The following SKAP1 variants were observed in gnomAD, a reference collection of about 807,000 sequenced individuals.
SKAP1 encodes src kinase associated phosphoprotein 1.
SKAP1 carries 44 observed loss-of-function variants against 58.5 expected under a neutral mutation model. That is an observed-to-expected ratio of 0.75 (90% CI 0.59 to 0.97). The LOEUF is 0.97. Among genes scored for constraint, SKAP1 ranks in the 50% least tolerant of loss-of-function variants. The pLI, the probability that SKAP1 is intolerant of heterozygous loss-of-function variation, is 0.00. For synonymous variants in SKAP1, 127 were observed against 149.7 expected (o/e 0.85, Z 1.11); for missense variants, 390 against 435.2 (o/e 0.90, Z 0.92).
chr17:48,282,204 T>C (rs2065775594), intron 4 of SKAP1, among the ~76,000 whole-genome samples: 1 of 152,208 alleles, frequency 6.6e-6, no homozygotes, highest in Non-Finnish European at 1.5e-5. Context: ...AGTTTAAACA[T>C]GTACAAATGT....
At chr17:48,326,148 G>A (rs1415215046) in intron 4 of SKAP1, among the ~76,000 whole-genome samples, 1 of 152,162 alleles carries the variant, frequency 6.6e-6, no homozygotes, top group Non-Finnish European at 1.5e-5. Flanking sequence ...GGGGTGTAAA[G>A]CATAAATAAT....
At chr17:48,224,056 G>GAGGAGGAGGAGGAGGAGA (rs2065037798) in intron 4 of SKAP1, among the ~76,000 whole-genome samples, 1 of 54,060 alleles carries the variant, frequency 1.8e-5, no homozygotes. Flanking sequence ...GGAGGAGGAG[G>GAGGAGGAGGAGGAGGAGA]AGGAGGAGGA....
At chr17:48,264,092 C>A (rs2065514693) in intron 4 of SKAP1, among the ~76,000 whole-genome samples, 1 of 151,144 alleles carries the variant, frequency 6.6e-6, no homozygotes, top group African/African-American at 2.4e-5. Context: ...TGACTTTAGA[C>A]TACAATTAGG....
chr17:48,171,104 T>TTG (rs1443060080), intron 9 of SKAP1, among the ~76,000 whole-genome samples: 1 of 145,954 alleles, frequency 6.9e-6, no homozygotes, highest in East Asian at 2.0e-4. Context: ...TTTTTTTTTT[T>TTG]TTTTTTTTTT....
chr17:48,287,403 G>A (rs979403372), intron 4 of SKAP1, among the ~76,000 whole-genome samples: 2 of 151,536 alleles, frequency 1.3e-5, no homozygotes, highest in Non-Finnish European at 2.9e-5. Context: ...ATTATATATC[G>A]TTCCAAGATT....
chr17:48,313,803 T>C (rs1475204050), intron 4 of SKAP1, among the ~76,000 whole-genome samples: 1 of 152,138 alleles, frequency 6.6e-6, no homozygotes, highest in Non-Finnish European at 1.5e-5. Flanking sequence ...TCAATAGAGT[T>C]AGTATAATCA....
intron 9 of SKAP1, among the ~76,000 whole-genome samples, chr17:48,173,686 C>T (rs1171552015): frequency 6.6e-6 from 1 of 152,190 alleles, no homozygotes; most frequent in Non-Finnish European, 1.5e-5. Flanking sequence ...TCTACCTCTG[C>T]TGTCTGTGCG....
rs544947378 is a variant in SKAP1, at chr17:48,383,054, T to C, written c.152+13626A>G. 2.8e-4 allele frequency among the ~76,000 whole-genome samples: 42 copies of C among 152,350 alleles called. No homozygotes were observed. The South Asian group carries it at 8.7e-3, about 32-fold the overall frequency. On this transcript the variant is annotated intron_variant, in intron 2 of 12. Coordinates refer to ENST00000336915, the MANE Select transcript of SKAP1 (RefSeq NM_003726.4). Reference sequence around the variant, plus strand: ...AACAAGAATATGTCTTATCTGACACTGTCTTGATCACCTGGCATAGTGCCT... The same window carrying C: ...AACAAGAATATGTCTTATCTGACACCGTCTTGATCACCTGGCATAGTGCCT...
chr17:48,305,711 T>C (rs1023049836), intron 4 of SKAP1, among the ~76,000 whole-genome samples: 3 of 152,178 alleles, frequency 2.0e-5, no homozygotes, highest in Non-Finnish European at 4.4e-5. Context: ...TGCTATAAAG[T>C]AAGGATTCAG....
At chr17:48,268,195 G>A (rs1487757956) in intron 4 of SKAP1, among the ~76,000 whole-genome samples, 1 of 151,510 alleles carries the variant, frequency 6.6e-6, no homozygotes, top group Non-Finnish European at 1.5e-5. Context: ...ATCAGTCCTG[G>A]GCAACCAAAC....
intron 2 of SKAP1, among the ~76,000 whole-genome samples, chr17:48,383,111 A>C (rs2067236399): frequency 6.6e-6 from 1 of 152,220 alleles, no homozygotes; most frequent in African/African-American, 2.4e-5. Flanking sequence ...CATATTTGTT[A>C]AGTAAATTAT....
At chr17:48,182,926 T>G (rs918865306) in intron 7 of SKAP1, among the ~76,000 whole-genome samples, 2 of 152,134 alleles carry the variant, frequency 1.3e-5, no homozygotes, top group African/African-American at 4.8e-5. Flanking sequence ...GAAGAGTTGG[T>G]GGAAACTGGT....
At chr17:48,193,761 T>A in intron 4 of SKAP1, 1 of 983,636 alleles carries the variant, frequency 1.0e-6, no homozygotes, top group Non-Finnish European at 1.2e-6. Flanking sequence ...CTTGTATGCC[T>A]GGATCCACAC....
At chr17:48,286,825 G>A (rs1377207280) in intron 4 of SKAP1, among the ~76,000 whole-genome samples, 3 of 152,080 alleles carry the variant, frequency 2.0e-5, no homozygotes, top group Admixed American at 6.5e-5. Context: ...TTCGCTGGGC[G>A]CGGTGGCTCA....
chr17:48,197,253 G>A (rs148807288), intron 4 of SKAP1, among the ~76,000 whole-genome samples: 1,982 of 67,504 alleles, frequency 0.029, 31 homozygotes, highest in Non-Finnish European at 0.044. Context: ...GCGAGACTCC[G>A]ACTCAAAAAA....
intron 4 of SKAP1, among the ~76,000 whole-genome samples, chr17:48,198,044 CAGG>C (rs2143588706): frequency 6.6e-6 from 1 of 152,306 alleles, no homozygotes; most frequent in Admixed American, 6.5e-5. Flanking sequence ...TGGTAGGTGT[CAGG>C]AGTTCATCTT....
intron 4 of SKAP1, among the ~76,000 whole-genome samples, chr17:48,202,792 GA>G (rs1343113243): frequency 6.6e-6 from 1 of 152,060 alleles, no homozygotes; most frequent in Non-Finnish European, 1.5e-5. Flanking sequence ...AAAAGAAAAA[GA>G]AAAAAACTTT....
At chr17:48,298,742 T>C (rs1018910502) in intron 4 of SKAP1, among the ~76,000 whole-genome samples, 2 of 152,198 alleles carry the variant, frequency 1.3e-5, no homozygotes, top group East Asian at 1.9e-4. Context: ...TGGGATGAGA[T>C]ATTTTTTCTA....
the SKAP1 span, among the ~76,000 whole-genome samples, chr17:48,436,732 T>C: frequency 6.6e-6 from 1 of 151,912 alleles, no homozygotes; most frequent in African/African-American, 2.4e-5. Flanking sequence ...ATCAACTTCC[T>C]CCATCAAATC....
Sources: gnomAD v4.1 joint callset for allele counts (sites outside exome capture counted in the v4.1 genomes callset) on GRCh38, gnomAD v4.1.1 for gene constraint, MANE v1.5 for transcripts, NCBI Gene and HGNC (gene_info 2026-07-23, HGNC 2026-07-21) for gene names.